The following SLC37A1 variants were observed in gnomAD, a reference collection of about 807,000 sequenced individuals.
SLC37A1 encodes the protein solute carrier family 37 member 1.
Under a neutral mutation model 75.3 loss-of-function variants are expected in SLC37A1, and 49 were observed. That is an observed-to-expected ratio of 0.65 (90% CI 0.52 to 0.83). The LOEUF (loss-of-function observed/expected upper bound fraction) is 0.83. SLC37A1 is among the 40% of genes least tolerant of loss of function. The pLI is 0.00. For missense variants in SLC37A1, 566 were observed against 695.0 expected (o/e 0.81, Z 2.09); for synonymous variants, 268 against 292.1 (o/e 0.92, Z 0.84).
chr21:42,574,740 C>G, intron 17 of SLC37A1, 78 bp from the exon 18 acceptor site: 1 of 1,394,446 alleles, frequency 7.2e-7, no homozygotes, highest in Non-Finnish European at 1.0e-6. Flanking sequence ...GGTGTTGAGC[C>G]CCATTCTCTG....
In SLC37A1 at chr21:42,518,606, CAT is replaced by C; in HGVS notation, c.56+98_56+99del. On this transcript the variant is annotated intron_variant, in intron 2 of 19. Transcript: ENST00000352133. The stretch of plus-strand genomic sequence containing the variant: ...GTTGCCCCAGTTTCATTATAAAACA[CAT>C]AAAACTTGAATCACTGACCTCACCC... 3 of 1,388,290 alleles carry C rather than the reference CAT, an allele frequency of 2.2e-6. No homozygotes were observed. The South Asian group carries it at 3.6e-5, about 17-fold the overall frequency. The allele number at this position is 1,388,290 out of a possible 1,614,324, so 86.0% of individuals were successfully genotyped here.
rs1037603720 is a variant in SLC37A1, at chr21:42,572,264, C to T, written c.1424-2554C>T. 3.9e-5 allele frequency among the ~76,000 whole-genome samples: 6 copies of T among 152,136 alleles called. No individual in the cohort carries two copies. The East Asian group carries it at 5.8e-4, about 15-fold the overall frequency. ...TAGATCTCCAGGTTCCCTTCCTTAC[C>T]CCGGGAGCCTTTCTTCATCCACCGT... On this transcript the variant is annotated intron_variant, in intron 17 of 19. Coordinates refer to ENST00000352133, the MANE Select transcript of SLC37A1 (RefSeq NM_001320537.2).
At chr21:42,525,378 C>T (rs1052570140) in intron 2 of SLC37A1, among the ~76,000 whole-genome samples, 1 of 152,226 alleles carries the variant, frequency 6.6e-6, no homozygotes, top group African/African-American at 2.4e-5. Flanking sequence ...CGGCCGGAGC[C>T]CCGCCCTGTG....
At chr21:42,574,738 G>GCCC (rs1348906759) in intron 17 of SLC37A1, 80 bp from the exon 18 acceptor site, 1 of 1,364,632 alleles carries the variant, frequency 7.3e-7, no homozygotes, top group Non-Finnish European at 1.0e-6. Context: ...GAGGTGTTGA[G>GCCC]CCCCATTCTC....
chr21:42,527,921 G>A (rs546019376), intron 3 of SLC37A1, among the ~76,000 whole-genome samples: 2 of 152,300 alleles, frequency 1.3e-5, no homozygotes, highest in South Asian at 4.2e-4. Context: ...GCGCCCGTGT[G>A]CTTGAGCTCA....
At chr21:42,553,942 T>A (rs2055618082) in intron 9 of SLC37A1, 120 bp from the exon 10 acceptor site, 3 of 662,010 alleles carry the variant, frequency 4.5e-6, no homozygotes, top group Non-Finnish European at 7.6e-6. Flanking sequence ...AAATCAGTTG[T>A]CTTATGTCCT....
intron 6 of SLC37A1, 144 bp downstream of exon 6, chr21:42,539,791 A>C: frequency 1.4e-6 from 1 of 739,606 alleles, no homozygotes; most frequent in South Asian, 2.5e-5. Flanking sequence ...TGACGTAACA[A>C]AGTCCTTCCC....
intron 8 of SLC37A1, among the ~76,000 whole-genome samples, chr21:42,543,862 C>T (rs1350804846): frequency 3.3e-5 from 5 of 152,330 alleles, no homozygotes; most frequent in Middle Eastern, 6.8e-3. Context: ...TCCCTTGCCC[C>T]GGCATCAGGA....
intron 17 of SLC37A1, among the ~76,000 whole-genome samples, chr21:42,571,725 C>T (rs1234720337): frequency 6.6e-6 from 1 of 152,034 alleles, no homozygotes; most frequent in Non-Finnish European, 1.5e-5. Context: ...TGCTTCTGCC[C>T]TTCACTTTCC....
In SLC37A1 at chr21:42,534,138, C is replaced by G. The variant is rs575186160; in HGVS notation, c.139-560C>G. Among the ~76,000 whole-genome samples, 23 of 152,292 alleles carry G rather than the reference C, an allele frequency of 1.5e-4. No individual in the cohort carries two copies. The South Asian group carries it at 4.8e-3, about 32-fold the overall frequency. On this transcript the variant is annotated intron_variant, in intron 3 of 19. Coordinates refer to ENST00000352133, the MANE Select transcript of SLC37A1 (RefSeq NM_001320537.2). ...TGTCCCCCTTTAGGTAACCGTGACTCTCACCTCTAGCCGCATGGATTCGTT... is the reference window on the plus strand; with the variant it reads ...TGTCCCCCTTTAGGTAACCGTGACTGTCACCTCTAGCCGCATGGATTCGTT...
rs1297923060 is a variant in SLC37A1 at position 42,552,101 on chromosome 21, G to A, written c.769-1961G>A. On this transcript the variant is annotated intron_variant, in intron 9 of 19. Coordinates refer to ENST00000352133, the MANE Select transcript of SLC37A1 (RefSeq NM_001320537.2). The surrounding 1 kb of genome is among the most constrained non-coding windows in gnomAD (Gnocchi z 4.2). ...TCTTTACCATTTGCCTTGAGTCTGA[G>A]GGTGCTAATAAGAATGTGTCTCTTT... Among the ~76,000 whole-genome samples the A allele has an allele frequency of 6.6e-6, 1 of 152,174 alleles. No homozygotes were observed. The highest frequency in any genetic ancestry group is 1.9e-4 in the East Asian group (1 of 5,200).
chr21:42,524,362 C>T (rs2054727879), intron 2 of SLC37A1, among the ~76,000 whole-genome samples: 1 of 152,230 alleles, frequency 6.6e-6, no homozygotes, highest in South Asian at 2.1e-4. Context: ...CTTTCTAAGG[C>T]ACCTTCTTTT....
At chr21:42,537,119 T>G (rs1325222130) in intron 5 of SLC37A1, among the ~76,000 whole-genome samples, 1 of 152,216 alleles carries the variant, frequency 6.6e-6, no homozygotes, top group Non-Finnish European at 1.5e-5. Flanking sequence ...TGGTGGGTGG[T>G]TGGTGCCCAG....
chr21:42,569,286 G>A (rs980985393), intron 17 of SLC37A1, among the ~76,000 whole-genome samples: 3 of 152,178 alleles, frequency 2.0e-5, no homozygotes, highest in Non-Finnish European at 4.4e-5. Context: ...TGTTGTTCTT[G>A]GCTGCCCCTG....
At chr21:42,541,636 T>C (rs1025753881) in intron 6 of SLC37A1, among the ~76,000 whole-genome samples, 4 of 152,218 alleles carry the variant, frequency 2.6e-5, no homozygotes, top group Non-Finnish European at 5.9e-5. Context: ...AACAGTACCT[T>C]CTCCATGGCA....
rs141288978 is a variant in SLC37A1 at position 42,532,982 on chromosome 21, G to A, written c.139-1716G>A. On this transcript the variant is annotated intron_variant, in intron 3 of 19. Transcript: ENST00000352133. ...GCAGCTGCATCACGTGTGACATGCC[G>A]GGACTCAGTGACGTGGCCCACGTGC... is the stretch of plus-strand genomic sequence containing the variant. Among the ~76,000 whole-genome samples, 14 of 152,324 alleles carry A rather than the reference G, an allele frequency of 9.2e-5. 1 individual carries two copies. In the East Asian group the frequency reaches 1.4e-3, roughly 15 times the overall value.
intron 2 of SLC37A1, among the ~76,000 whole-genome samples, chr21:42,504,074 A>G (rs1273381092): frequency 1.3e-5 from 2 of 152,256 alleles, no homozygotes; most frequent in Non-Finnish European, 2.9e-5. Context: ...TTTATTAAAC[A>G]AGATAAGTGA....
rs371912103 is a variant in SLC37A1, at chr21:42,571,908, G to A, written c.1424-2910G>A. Among the ~76,000 whole-genome samples, 5 of 151,720 alleles carry A rather than the reference G, an allele frequency of 3.3e-5. No individual in the cohort carries two copies. The South Asian group carries it at 8.3e-4, about 25-fold the overall frequency. On this transcript the variant is annotated intron_variant, in intron 17 of 19. Coordinates refer to ENST00000352133, the MANE Select transcript of SLC37A1 (RefSeq NM_001320537.2). ...CCTTTCACGCCATCAGCCTCACTCC[G>A]CCCACTGCGCGGCTTGGCCCCAGAG...
chr21:42,547,031 C>A lies in SLC37A1; in HGVS notation c.731-72C>A. 1 of 1,591,814 alleles carries A rather than the reference C, an allele frequency of 6.3e-7. No individual in the cohort carries two copies. Among genetic ancestry groups the A allele is most frequent in the Non-Finnish European group, 8.6e-7 (1 of 1,160,018 alleles). On this transcript the variant is annotated intron_variant, in intron 8 of 19. Transcript: ENST00000352133. The surrounding 1 kb of genome is among the most constrained non-coding windows in gnomAD (Gnocchi z 6.1). ...CGGTGCTCCCGTGTTGCCCTGTCCT[C>A]GGGTTACGTAGCTTACTTGGCATTG...
Sources: allele counts gnomAD v4.1 joint callset (sites outside exome capture counted in the v4.1 genomes callset), GRCh38; gene constraint gnomAD v4.1.1; non-coding constraint Gnocchi (gnomAD v3.1); transcripts MANE v1.5; gene names NCBI Gene and HGNC (gene_info 2026-07-23, HGNC 2026-07-21).